TERB1: variants seen among roughly 807,000 people sequenced by gnomAD.
TERB1 encodes telomere repeats-binding bouquet formation protein 1.
TERB1 carries 63 observed loss-of-function variants against 92.3 expected under a neutral mutation model. That is an observed-to-expected ratio of 0.68 (90% CI 0.56 to 0.84). TERB1 has a LOEUF of 0.84. TERB1 is among the 40% of genes least tolerant of loss of function. The pLI, the probability that TERB1 is intolerant of heterozygous loss-of-function variation, is 0.00. For missense variants in TERB1, 709 were observed against 843.7 expected (o/e 0.84, Z 1.98); for synonymous variants, 252 against 283.9 (o/e 0.89, Z 1.13).
chr16:66,780,534 T>C (rs1186060835), intron 9 of TERB1, among the ~76,000 whole-genome samples: 1 of 151,812 alleles, frequency 6.6e-6, no homozygotes, highest in Non-Finnish European at 1.5e-5. Context: ...TGTGCCACTG[T>C]ACTCTAGCTG....
Position 66,770,058 on chromosome 16 carries a change from A to G in TERB1, c.1524T>C (p.Ser508=). The G allele has an allele frequency of 1.9e-6, 3 of 1,551,558 alleles. No homozygotes were observed. The highest frequency in any genetic ancestry group is 2.6e-6 in the Non-Finnish European group (3 of 1,146,948). ...ANPVHACYRE[S]EQNKTLYKAK... is the part of the protein sequence containing the mutation. The stretch of plus-strand genomic sequence containing the variant: ...CTTTATATAAAGTCTTATTTTGCTC[A>G]CTCTCCCTGTAACAAGCATGGACTG... The change falls in exon 14 of 19, where the codon AGT becomes AGC. Residue 508 remains serine, a synonymous_variant. Transcript: ENST00000433154.
intron 9 of TERB1, among the ~76,000 whole-genome samples, chr16:66,780,520 T>A (rs1366286747): frequency 6.6e-6 from 1 of 151,674 alleles, no homozygotes; most frequent in Non-Finnish European, 1.5e-5. Context: ...CAGTGACCCA[T>A]GATTGTGCCA....
chr16:66,800,954 C>G (rs1191230888), intron 2 of TERB1, 23 bp downstream of exon 2: 1 of 152,422 alleles, frequency 6.6e-6, no homozygotes, highest in Non-Finnish European at 1.5e-5. Context: ...GCTTCCTGCC[C>G]ATTCAGCCTG....
intron 16 of TERB1, among the ~76,000 whole-genome samples, chr16:66,763,689 C>T (rs904389081): frequency 1.3e-4 from 20 of 152,024 alleles, no homozygotes; most frequent in Admixed American, 4.6e-4. Flanking sequence ...TGTTTACCCA[C>T]GTAACAAACC....
intron 16 of TERB1, among the ~76,000 whole-genome samples, chr16:66,760,252 A>G (rs1382766346): frequency 3.6e-5 from 5 of 140,618 alleles, no homozygotes; most frequent in African/African-American, 5.4e-5. Flanking sequence ...CAAGGTCAGG[A>G]GTTCGAGACC....
At chr16:66,785,149 A>G (rs1360863897) in intron 9 of TERB1, among the ~76,000 whole-genome samples, 1 of 151,242 alleles carries the variant, frequency 6.6e-6, no homozygotes, top group Non-Finnish European at 1.5e-5. Context: ...CCTCCCAAGT[A>G]GCTCGGATTA....
chr16:66,799,291 G>A (rs187768219), intron 2 of TERB1, among the ~76,000 whole-genome samples: 1 of 152,190 alleles, frequency 6.6e-6, no homozygotes, highest in East Asian at 1.9e-4. Flanking sequence ...GCAGTGGTGT[G>A]ATCTCAGCTC....
chr16:66,756,997 C>G (rs1467093617), intron 18 of TERB1, among the ~76,000 whole-genome samples: 1 of 152,068 alleles, frequency 6.6e-6, no homozygotes, highest in Non-Finnish European at 1.5e-5. Flanking sequence ...ATGCTTAGGA[C>G]AGTGGTTCCT....
At chr16:66,774,047 T>C (rs2018498642) in intron 12 of TERB1, among the ~76,000 whole-genome samples, 1 of 146,430 alleles carries the variant, frequency 6.8e-6, no homozygotes, top group Non-Finnish European at 1.5e-5. Flanking sequence ...GCCTGGCTAA[T>C]TTTTTTTGTA....
intron 2 of TERB1, among the ~76,000 whole-genome samples, chr16:66,798,762 A>T (rs1959215070): frequency 6.6e-6 from 1 of 152,282 alleles, no homozygotes; most frequent in Admixed American, 6.5e-5. Context: ...ACTATTTTCT[A>T]TTTTTCACAA....
At chr16:66,787,748 A>T (rs1285276446) in intron 6 of TERB1, among the ~76,000 whole-genome samples, 1 of 152,226 alleles carries the variant, frequency 6.6e-6, no homozygotes, top group Non-Finnish European at 1.5e-5. Context: ...TGAATGATTA[A>T]ATACATGCTA....
intron 6 of TERB1, among the ~76,000 whole-genome samples, chr16:66,786,646 G>A (rs369242548): frequency 6.6e-6 from 1 of 151,956 alleles, no homozygotes; most frequent in African/African-American, 2.4e-5. Context: ...TTAAGTGCAC[G>A]CCTGGCAAGA....
At chr16:66,792,129 A>T (rs953210803) in intron 3 of TERB1, among the ~76,000 whole-genome samples, 10 of 152,256 alleles carry the variant, frequency 6.6e-5, no homozygotes, top group South Asian at 4.1e-4. Context: ...TTTATGATTT[A>T]AAAAAAATCA....
intron 2 of TERB1, among the ~76,000 whole-genome samples, chr16:66,800,659 T>C (rs1442814082): frequency 1.3e-5 from 2 of 152,118 alleles, no homozygotes; most frequent in Admixed American, 1.3e-4. Flanking sequence ...CTAAATTGTT[T>C]TTTGTCAGCG....
chr16:66,778,312 T>C (rs931316366), intron 10 of TERB1, among the ~76,000 whole-genome samples: 2 of 152,180 alleles, frequency 1.3e-5, no homozygotes, highest in Admixed American at 6.5e-5. Context: ...TTGACCAAGC[T>C]GGTCTCAAAC....
intron 18 of TERB1, among the ~76,000 whole-genome samples, chr16:66,757,520 G>C (rs1441302447): frequency 6.6e-6 from 1 of 152,220 alleles, no homozygotes; most frequent in South Asian, 2.1e-4. Flanking sequence ...AATTACTATA[G>C]AAAACATTAC....
At chr16:66,766,979 A>G (rs544045034) in intron 16 of TERB1, among the ~76,000 whole-genome samples, 1 of 152,270 alleles carries the variant, frequency 6.6e-6, no homozygotes, top group East Asian at 1.9e-4. Context: ...GATATTCCAC[A>G]GTATTATTTC....
At position 66,778,880 on chromosome 16, in the gene TERB1, G is replaced by T; in HGVS notation, c.836C>A (p.Ala279Glu). ...TCACTCACGATTATCAGCAATGCAT[G>T]CATCCACAGTCTTCGTCACAACCAC... ...LAVVVTKTVDACIADNPTFGI... is the reference protein window; with the variant it reads ...LAVVVTKTVDECIADNPTFGI... Residue 279 changes from alanine to glutamate, a missense_variant, in exon 10 of 19, where the codon GCA becomes GAA. Ala to Glu is a moderately radical substitution (Grantham distance 107). Coordinates refer to ENST00000433154, the MANE Select transcript of TERB1 (RefSeq NM_001136505.2). 1 of 1,503,736 alleles carries T rather than the reference G, an allele frequency of 6.7e-7. No homozygotes were observed. The highest frequency in any genetic ancestry group is 1.3e-5 in the South Asian group (1 of 78,564). The allele number at this position is 1,503,736 out of a possible 1,614,324, so 93.1% of individuals were successfully genotyped here.
intron 16 of TERB1, 32 bp downstream of exon 16, chr16:66,767,383 T>A: frequency 8.1e-7 from 1 of 1,234,586 alleles, no homozygotes; most frequent in Non-Finnish European, 1.1e-6. Flanking sequence ...AGGCTTTGAC[T>A]GTGAAACAAC....
Sources: gnomAD v4.1 joint callset for allele counts (sites outside exome capture counted in the v4.1 genomes callset) on GRCh38, gnomAD v4.1.1 for gene constraint, MANE v1.5 for transcripts, NCBI Gene and HGNC (gene_info 2026-07-23, HGNC 2026-07-21) for gene names.